Variants in NBAS observed in about 807,000 individuals in gnomAD.
NBAS encodes the protein NBAS subunit of NRZ tethering complex, also known as NAG/BC035112 fusion.
NBAS carries 219 observed loss-of-function variants against 302.5 expected under a neutral mutation model. The observed-to-expected ratio is 0.72, with a 90% CI of 0.65 to 0.81. The LOEUF (loss-of-function observed/expected upper bound fraction) is 0.81. Ranked by LOEUF, NBAS falls within the 30% of genes least tolerant of loss-of-function variation. NBAS has a pLI of 0.00. For missense variants in NBAS, 2,932 were observed against 2,841.6 expected (o/e 1.03, Z -0.72); for synonymous variants, 1,118 against 1,021.6 (o/e 1.09, Z -1.80).
At chr2:15,087,918 C>T in the NBAS span, among the ~76,000 whole-genome samples, 8 of 152,190 alleles carry the variant, frequency 5.3e-5, no homozygotes, top group Non-Finnish European at 8.8e-5. Flanking sequence ...AAGTAGGTTG[C>T]ATTACGGTTG....
chr2:15,393,713 G>A (rs1675724933), intron 28 of NBAS: 2 of 470,520 alleles, frequency 4.3e-6, no homozygotes, highest in Non-Finnish European at 8.8e-6. Flanking sequence ...CACGGACAGA[G>A]AAGTGGTAAA....
the NBAS span, among the ~76,000 whole-genome samples, chr2:15,161,184 A>G: frequency 2.3e-4 from 35 of 152,114 alleles, no homozygotes; most frequent in Admixed American, 6.5e-5. Flanking sequence ...ACCCCTCTCA[A>G]TTGGTTTTCT....
the NBAS span, among the ~76,000 whole-genome samples, chr2:14,965,239 G>A: frequency 1.3e-5 from 2 of 151,996 alleles, no homozygotes; most frequent in Non-Finnish European, 2.9e-5. Context: ...GCCAATCAAC[G>A]CAACTAAAAT....
At chr2:15,311,806 T>C (rs1671289419) in intron 38 of NBAS, among the ~76,000 whole-genome samples, 1 of 152,124 alleles carries the variant, frequency 6.6e-6, no homozygotes, top group African/African-American at 2.4e-5. Context: ...CTTTTTTATT[T>C]GCCTAGTGCC....
Position 15,561,168 on chromosome 2 carries a change from T to C in NBAS, c.117+20A>G, listed in dbSNP as rs1419011810. 4 of 1,607,186 alleles carry C rather than the reference T, an allele frequency of 2.5e-6. No homozygotes were observed. Among genetic ancestry groups the C allele is most frequent in the Non-Finnish European group, 3.4e-6 (4 of 1,175,282 alleles). ...GCGCCCGCGCCAAGCTGGCTGCTGC[T>C]GTAGATGGGCCTGGTTCACCTGTAC... On this transcript the variant is annotated intron_variant, in intron 1 of 51. Transcript: ENST00000281513.
At chr2:15,504,251 A>C (rs1383794957) in intron 10 of NBAS, 38 bp from the exon 11 acceptor site, 3 of 1,470,460 alleles carry the variant, frequency 2.0e-6, no homozygotes, top group Non-Finnish European at 2.9e-6. Context: ...AAGATTACTG[A>C]AATGACTTAT....
At chr2:15,556,109 A>T (rs1465174370) in intron 3 of NBAS, among the ~76,000 whole-genome samples, 1 of 152,204 alleles carries the variant, frequency 6.6e-6, no homozygotes, top group Non-Finnish European at 1.5e-5. Context: ...ACACACACAC[A>T]TACATAGAGT....
intron 41 of NBAS, among the ~76,000 whole-genome samples, chr2:15,289,567 T>A (rs1054634148): frequency 6.6e-6 from 1 of 152,182 alleles, no homozygotes; most frequent in Non-Finnish European, 1.5e-5. Flanking sequence ...CTTTATCTCT[T>A]GATAAAGGTG....
chr2:15,330,151 G>A (rs191859921), intron 36 of NBAS, among the ~76,000 whole-genome samples: 1 of 152,142 alleles, frequency 6.6e-6, no homozygotes, highest in East Asian at 1.9e-4. Flanking sequence ...TTAAAGGACT[G>A]CAGTATGAGA....
intron 40 of NBAS, among the ~76,000 whole-genome samples, chr2:15,293,435 A>T (rs1205515505): frequency 6.6e-6 from 1 of 152,198 alleles, no homozygotes; most frequent in African/African-American, 2.4e-5. Flanking sequence ...TTCAAATAGA[A>T]CACAACCTAG....
the NBAS span, among the ~76,000 whole-genome samples, chr2:14,959,406 A>C: frequency 6.6e-5 from 10 of 152,056 alleles, no homozygotes; most frequent in Non-Finnish European, 1.2e-4. Flanking sequence ...CCTTACCTTA[A>C]CCATTGCCCA....
chr2:14,869,455 T>G, the NBAS span, among the ~76,000 whole-genome samples: 4 of 152,236 alleles, frequency 2.6e-5, no homozygotes, highest in African/African-American at 7.2e-5. Flanking sequence ...CACCCTTCAC[T>G]GGCTTCACTC....
chr2:15,417,839 T>C, intron 23 of NBAS, 127 bp from the exon 24 acceptor site: 1 of 889,660 alleles, frequency 1.1e-6, no homozygotes, highest in Non-Finnish European at 1.7e-6. Context: ...ACCAGTAACA[T>C]ACGTTTTTTA....
chr2:15,433,178 A>G (rs1288096982), intron 21 of NBAS, among the ~76,000 whole-genome samples: 2 of 152,196 alleles, frequency 1.3e-5, no homozygotes, highest in Non-Finnish European at 1.5e-5. Context: ...ACTTAAGATT[A>G]TGCTCTTAGA....
intron 45 of NBAS, among the ~76,000 whole-genome samples, chr2:15,237,614 G>T (rs1667656355): frequency 7.1e-6 from 1 of 141,598 alleles, no homozygotes; most frequent in African/African-American, 2.6e-5. Context: ...TTATTTATCT[G>T]AGACAGAGTC....
chr2:15,245,668 T>C (rs141155767), intron 44 of NBAS, among the ~76,000 whole-genome samples: 195 of 133,838 alleles, frequency 1.5e-3, no homozygotes, highest in South Asian at 2.4e-3. Flanking sequence ...GACGGATGGA[T>C]GGATGGATGA....
chr2:15,076,252 A>C, the NBAS span, among the ~76,000 whole-genome samples: 2 of 152,210 alleles, frequency 1.3e-5, no homozygotes, highest in Non-Finnish European at 2.9e-5. Flanking sequence ...TTTGGCATTG[A>C]AAACCCAGAA....
intron 40 of NBAS, 80 bp downstream of exon 40, chr2:15,308,136 A>G: frequency 6.2e-7 from 1 of 1,600,044 alleles, no homozygotes; most frequent in South Asian, 1.1e-5. Context: ...CAGTTCCTCC[A>G]AAAATTAAAC....
At chr2:15,457,239 C>CTCAAGTCACTAATTGACTTGAAATCAAT (rs1679288925) in intron 21 of NBAS, among the ~76,000 whole-genome samples, 4 of 152,140 alleles carry the variant, frequency 2.6e-5, no homozygotes, top group African/African-American at 7.2e-5. Context: ...CTTGTTTCAA[C>CTCAAGTCACTAATTGACTTGAAATCAAT]TCAAGTCACT....
Sources: gnomAD v4.1 joint callset for allele counts (sites outside exome capture counted in the v4.1 genomes callset) on GRCh38, gnomAD v4.1.1 for gene constraint, MANE v1.5 for transcripts, NCBI Gene and HGNC (gene_info 2026-07-23, HGNC 2026-07-21) for gene names.